L1TD1: variants seen among roughly 807,000 people sequenced by gnomAD.
L1TD1 encodes LINE-1 type transposase domain-containing protein 1.
L1TD1 carries 26 observed loss-of-function variants against 25.7 expected under a neutral mutation model. The observed-to-expected ratio is 1.01, with a 90% confidence interval of 0.74 to 1.40. L1TD1 has a LOEUF of 1.40. L1TD1 is among the 40% of genes most tolerant of loss of function. The pLI, the probability that L1TD1 is intolerant of heterozygous loss-of-function variation, is 0.00. For synonymous variants in L1TD1, 421 were observed against 335.6 expected (o/e 1.25, Z -2.78); for missense variants, 1,130 against 975.0 (o/e 1.16, Z -2.12).
intron 2 of L1TD1, among the ~76,000 whole-genome samples, chr1:62,198,820 T>G (rs983632549): frequency 5.9e-5 from 9 of 151,898 alleles, no homozygotes; most frequent in African/African-American, 2.2e-4. Flanking sequence ...AGTACACTGG[T>G]GAAAATCTCC....
rs747956601 is a variant in L1TD1 at position 62,210,481 on chromosome 1, T to G, written c.1707T>G (p.His569Gln). ...CACTAGAGATGAGTCATGATGAGCA[T>G]AAAAAGCATTCACATACAAATTTGA... is the stretch of plus-strand genomic sequence containing the variant. ...SKSLEMSHDE[H>Q]KKHSHTNLSI... is the part of the protein sequence containing the mutation. Residue 569 changes from histidine to glutamine, a missense_variant, in exon 4 of 4, where the codon CAT becomes CAG. By Grantham distance (24) the His-to-Gln change is conservative. Transcript: ENST00000498273. 6.2e-7 allele frequency: 1 copy of G among 1,614,100 alleles called. No individual in the cohort carries two copies. The highest frequency in any genetic ancestry group is 8.5e-7 in the Non-Finnish European group (1 of 1,180,030).
Position 62,206,661 on chromosome 1 carries a change from A to AT in L1TD1, c.36dup (p.Ala13CysfsTer2), listed in dbSNP as rs1670750980. 2 of 1,546,532 alleles carry AT rather than the reference A, an allele frequency of 1.3e-6. No individual in the cohort carries two copies. Among genetic ancestry groups the AT allele is most frequent in the Non-Finnish European group, 1.7e-6 (2 of 1,145,456 alleles). ...ATGTATCTACTAGTGTACAATCAAA[A>AT]TTTGCTAGACTTGCAAAGAAAAAGG... is the stretch of plus-strand genomic sequence containing the variant. On this transcript the variant is annotated frameshift_variant, in exon 3 of 4. Transcript: ENST00000498273. LOFTEE classifies it high-confidence loss of function.
rs755571024 is a variant in L1TD1, at chr1:62,209,798, G to A, written c.1024G>A (p.Asp342Asn). 6.4e-7 allele frequency: 1 copy of A among 1,574,636 alleles called. No individual in the cohort carries two copies. The highest frequency in any genetic ancestry group is 1.2e-5 in the South Asian group (1 of 85,404). The stretch of plus-strand genomic sequence containing the variant: ...TAACTTTCAGGATAAAACCCTAATA[G>A]ACTCAAAGCATAGAGCTGGAGAAAT... ...IQEKRDKTLIDSKHRAGEITS... is the reference protein window; with the variant it reads ...IQEKRDKTLINSKHRAGEITS... The change falls in exon 4 of 4, where the codon GAC becomes AAC. Residue 342 changes from aspartate to asparagine, a missense_variant. Coordinates refer to ENST00000498273, the MANE Select transcript of L1TD1 (RefSeq NM_019079.5).
chr1:62,197,769 G>C (rs959829603), intron 2 of L1TD1, among the ~76,000 whole-genome samples: 9 of 151,970 alleles, frequency 5.9e-5, no homozygotes, highest in African/African-American at 2.2e-4. Context: ...CCAGCTACTC[G>C]GGAGGCTGAG....
chr1:62,199,273 G>A (rs1379491666), intron 2 of L1TD1, among the ~76,000 whole-genome samples: 1 of 152,104 alleles, frequency 6.6e-6, no homozygotes, highest in Non-Finnish European at 1.5e-5. Flanking sequence ...TGAGGCAGGT[G>A]GATCACCTGA....
chr1:62,199,491 CT>C (rs1670602969), intron 2 of L1TD1, among the ~76,000 whole-genome samples: 1 of 133,450 alleles, frequency 7.5e-6, no homozygotes, highest in Non-Finnish European at 1.6e-5. Context: ...GAGTGAGACT[CT>C]TGTATCAAAA....
In L1TD1 at chr1:62,207,068, A is replaced by C; in HGVS notation, c.440A>C (p.Asp147Ala). The C allele has an allele frequency of 6.2e-7, 1 of 1,613,836 alleles. No homozygotes were observed. Among genetic ancestry groups the C allele is most frequent in the Non-Finnish European group, 8.5e-7 (1 of 1,179,866 alleles). Residue 147 changes from aspartate to alanine, a missense_variant, in exon 3 of 4, where the codon GAC becomes GCC. By Grantham distance (126) the Asp-to-Ala change is moderately radical (BLOSUM62 -2). Transcript: ENST00000498273. ...GTAAATGAGCTGAGTGGTAAATTAGACAACACTAACGAATACAATAGTAAT... is the reference window on the plus strand; with the variant it reads ...GTAAATGAGCTGAGTGGTAAATTAGCCAACACTAACGAATACAATAGTAAT... ...LEVNELSGKL[D>A]NTNEYNSNDG...
Position 62,206,717 on chromosome 1 carries a change from T to TAACA in L1TD1, c.90_93dup (p.Glu32AsnfsTer4), listed in dbSNP as rs1553122709. ...ATCACCTATATGAAAAGAGAGCAGT[T>TAACA]AACAGAAACTGATAAGGACATAGCT... On this transcript the variant is annotated frameshift_variant, in exon 3 of 4. Transcript: ENST00000498273. LOFTEE classifies it high-confidence loss of function. 7.1e-6 allele frequency: 11 copies of TAACA among 1,550,854 alleles called. No homozygotes were observed. The highest frequency in any genetic ancestry group is 9.6e-6 in the Non-Finnish European group (11 of 1,146,740).
In L1TD1 at chr1:62,212,075, A is replaced by G. The variant is rs1285058404; in HGVS notation, c.*703A>G. The G allele has an allele frequency of 6.6e-6, 1 of 152,256 alleles. No individual in the cohort carries two copies. The highest frequency in any genetic ancestry group is 6.6e-5 in the Admixed American group (1 of 15,260). The allele number at this position is 152,256 out of a possible 1,614,324, so 9.4% of individuals were successfully genotyped here. On this transcript the variant is annotated 3_prime_UTR_variant, in exon 4 of 4. Transcript: ENST00000498273. ...ATGTAGTAGGAAAACAGGAGGGGAC[A>G]GTAACAGAAAAGCACGGGAAAAGAT...
At position 62,210,458 on chromosome 1, in the gene L1TD1, C is replaced by T. The variant is rs577004201; in HGVS notation, c.1684C>T (p.Leu562=). ...TLCLASPSKS[L]EMSHDEHKKH... is the part of the protein sequence containing the mutation. Reference sequence around the variant, plus strand: ...ATGTTTGGCCTCTCCCTCAAAGTCACTAGAGATGAGTCATGATGAGCATAA... The same window carrying T: ...ATGTTTGGCCTCTCCCTCAAAGTCATTAGAGATGAGTCATGATGAGCATAA... Residue 562 remains leucine (L), a synonymous_variant, in exon 4 of 4, where the codon CTA becomes TTA. Transcript: ENST00000498273. The T allele has an allele frequency of 5.6e-5, 90 of 1,614,130 alleles. 1 individual carries two copies. In the South Asian group the frequency reaches 9.3e-4, roughly 17 times the overall value.
chr1:62,210,864 C>T lies in L1TD1; in HGVS notation c.2090C>T (p.Ser697Phe). ...KERQRDIEER[S>F]RSCNIRLIGI... Reference sequence around the variant, plus strand: ...AGGCAAAGAGATATAGAGGAGAGATCTAGAAGTTGCAACATTCGTTTGATA... The same window carrying T: ...AGGCAAAGAGATATAGAGGAGAGATTTAGAAGTTGCAACATTCGTTTGATA... Residue 697 changes from serine (S) to phenylalanine (F), a missense_variant, in exon 4 of 4, where the codon TCT (serine) becomes TTT (phenylalanine). Ser to Phe is a radical substitution (Grantham distance 155). Transcript: ENST00000498273. 2 of 1,551,240 alleles carry T rather than the reference C, an allele frequency of 1.3e-6. No homozygotes were observed. The highest frequency in any genetic ancestry group is 1.7e-6 in the Non-Finnish European group (2 of 1,146,906).
At position 62,210,866 on chromosome 1, in the gene L1TD1, A is replaced by T. The variant is rs1424097629; in HGVS notation, c.2092A>T (p.Arg698Ter). 4 of 1,551,482 alleles carry T rather than the reference A, an allele frequency of 2.6e-6. No homozygotes were observed. Among genetic ancestry groups the T allele is most frequent in the Non-Finnish European group, 3.5e-6 (4 of 1,146,940 alleles). ...ERQRDIEERS[R>*]SCNIRLIGIP... ...GCAAAGAGATATAGAGGAGAGATCT[A>T]GAAGTTGCAACATTCGTTTGATAGG... Residue 698 changes from arginine to a stop codon, truncating the protein, a stop_gained, in exon 4 of 4, where the codon AGA becomes TGA. Coordinates refer to ENST00000498273, the MANE Select transcript of L1TD1 (RefSeq NM_019079.5). LOFTEE classifies it low-confidence loss of function (END_TRUNC).
At chr1:62,206,349 T>C (rs1195561346) in intron 2 of L1TD1, among the ~76,000 whole-genome samples, 170 bp from the exon 3 acceptor site, 2 of 137,176 alleles carry the variant, frequency 1.5e-5, no homozygotes, top group Non-Finnish European at 3.2e-5. Flanking sequence ...TTCATGATAA[T>C]TTATAAATTT....
intron 2 of L1TD1, among the ~76,000 whole-genome samples, chr1:62,205,458 G>C (rs116189186): frequency 0.11 from 7,140 of 63,176 alleles, 443 homozygotes; most frequent in African/African-American, 0.18. Context: ...TTTTTAGACA[G>C]TCTTGCTGTG....
rs1166846204 is a variant in L1TD1 at position 62,207,179 on chromosome 1, G to A, written c.551G>A (p.Arg184Lys). ...MEETLCNIDD[R>K]DGNRNVHLEF... ...GAAACCTTATGCAATATAGATGACA[G>A]AGATGGAAATCGCAATGTCCATTTA... Residue 184 changes from arginine to lysine, a missense_variant, in exon 3 of 4, where the codon AGA becomes AAA. Arg to Lys is a conservative substitution (Grantham distance 26). Transcript: ENST00000498273. 3.9e-6 allele frequency: 6 copies of A among 1,553,938 alleles called. No homozygotes were observed. Among genetic ancestry groups the A allele is most frequent in the Non-Finnish European group, 5.2e-6 (6 of 1,148,022 alleles).
chr1:62,207,589 G>A lies in L1TD1; in HGVS notation c.961G>A (p.Glu321Lys). Residue 321 changes from glutamate (E) to lysine (K), a missense_variant, in exon 3 of 4, where the codon GAA (glutamate) becomes AAA (lysine). Transcript: ENST00000498273. ...ELLKDVLPQKEEINQGGRKYG... is the reference protein window; with the variant it reads ...ELLKDVLPQKKEINQGGRKYG... Reference sequence around the variant, plus strand: ...ACTGAAAGATGTACTCCCACAAAAGGAAGAAATAAATCAAGGAGGAAGAAA... The same window carrying A: ...ACTGAAAGATGTACTCCCACAAAAGAAAGAAATAAATCAAGGAGGAAGAAA... 1.3e-6 allele frequency: 2 copies of A among 1,544,198 alleles called. No homozygotes were observed. Among genetic ancestry groups the A allele is most frequent in the African/African-American group, 1.4e-5 (1 of 72,414 alleles).
Position 62,210,612 on chromosome 1 carries a change from CAG to C in L1TD1, c.1840_1841del (p.Glu614ArgfsTer6), listed in dbSNP as rs747744420. 3.7e-6 allele frequency: 6 copies of C among 1,604,174 alleles called. No homozygotes were observed. Among genetic ancestry groups the C allele is most frequent in the Admixed American group, 1.7e-5 (1 of 58,466 alleles). On this transcript the variant is annotated frameshift_variant, in exon 4 of 4. Coordinates refer to ENST00000498273, the MANE Select transcript of L1TD1 (RefSeq NM_019079.5). LOFTEE classifies it low-confidence loss of function (END_TRUNC). The stretch of plus-strand genomic sequence containing the variant: ...AAAGAAGCAGACTTAACAGAGGAAA[CAG>C]AAGAAAACTTGAGAAGTAGTGTGAT...
chr1:62,201,086 G>A (rs779053605), intron 2 of L1TD1, among the ~76,000 whole-genome samples: 1 of 151,854 alleles, frequency 6.6e-6, no homozygotes. Context: ...CCGCCATCAT[G>A]CCCAGCTAAT....
At position 62,211,598 on chromosome 1, in the gene L1TD1, C is replaced by G; in HGVS notation, c.*226C>G. Reference sequence around the variant, plus strand: ...GTGAGTTATTTCAGTTGATCACAGTCAGTTACAGATAGAATTCCTTGTTTT... The same window carrying G: ...GTGAGTTATTTCAGTTGATCACAGTGAGTTACAGATAGAATTCCTTGTTTT... On this transcript the variant is annotated 3_prime_UTR_variant, in exon 4 of 4. Transcript: ENST00000498273. 3 of 549,620 alleles carry G rather than the reference C, an allele frequency of 5.5e-6. No homozygotes were observed. Among genetic ancestry groups the G allele is most frequent in the Non-Finnish European group, 8.4e-6 (3 of 357,570 alleles). 34.0% of individuals were successfully genotyped at this position (549,620 alleles called of 1,614,324 possible).
Sources: gnomAD v4.1 joint callset for allele counts (sites outside exome capture counted in the v4.1 genomes callset) on GRCh38, gnomAD v4.1.1 for gene constraint, MANE v1.5 for transcripts, NCBI Gene and HGNC (gene_info 2026-07-23, HGNC 2026-07-21) for gene names.